The following CMSS1 variants were observed in gnomAD, a reference collection of about 807,000 sequenced individuals.
The protein encoded by CMSS1 is cms1 ribosomal small subunit homolog.
Under a neutral mutation model 43.5 loss-of-function variants are expected in CMSS1, and 33 were observed. That is an observed-to-expected ratio of 0.76 (90% CI 0.57 to 1.01). CMSS1 has a LOEUF of 1.01. CMSS1 is among the 50% of genes least tolerant of loss of function. The pLI, the probability that CMSS1 is intolerant of heterozygous loss-of-function variation, is 0.00. For missense variants in CMSS1, 313 were observed against 326.4 expected (o/e 0.96, Z 0.32); for synonymous variants, 115 against 117.2 (o/e 0.98, Z 0.12).
intron 1 of CMSS1, among the ~76,000 whole-genome samples, chr3:99,855,425 G>A (rs1943914274): frequency 6.6e-6 from 1 of 152,182 alleles, no homozygotes; most frequent in Admixed American, 6.5e-5. Flanking sequence ...TGCCAGTGAT[G>A]TGTTGCCAAG....
Position 100,162,362 on chromosome 3 carries a change from A to G in CMSS1, c.285A>G (p.Leu95=), listed in dbSNP as rs764031617. ...SEPKPGLPED[L]QKLMKDYYSS... The stretch of plus-strand genomic sequence containing the variant: ...CAAAACCAGGGTTACCTGAAGACCT[A>G]CAGAAGCTGATGAAGGACTATTATA... The change falls in exon 4 of 10, where the codon CTA becomes CTG. Residue 95 remains leucine (L), a synonymous_variant. Transcript: ENST00000421999. 15 of 1,613,582 alleles carry G rather than the reference A, an allele frequency of 9.3e-6. No homozygotes were observed. Among genetic ancestry groups the G allele is most frequent in the African/African-American group, 1.3e-5 (1 of 74,932 alleles).
At chr3:99,944,863 A>C (rs1707961752) in intron 1 of CMSS1, among the ~76,000 whole-genome samples, 1 of 152,246 alleles carries the variant, frequency 6.6e-6, no homozygotes, top group African/African-American at 2.4e-5. Context: ...GAGAAGAGAA[A>C]AAAACATAGA....
chr3:100,152,527 C>G (rs963398392), intron 2 of CMSS1, among the ~76,000 whole-genome samples: 1 of 152,030 alleles, frequency 6.6e-6, no homozygotes, highest in Non-Finnish European at 1.5e-5. Context: ...GTGAGCACAC[C>G]CTTAATTTAT....
At chr3:100,061,200 C>T (rs1258255573) in intron 1 of CMSS1, among the ~76,000 whole-genome samples, 1 of 151,990 alleles carries the variant, frequency 6.6e-6, no homozygotes, top group Non-Finnish European at 1.5e-5. Context: ...AAAAACTATA[C>T]TTCTTCTAAA....
intron 1 of CMSS1, among the ~76,000 whole-genome samples, chr3:99,975,280 C>T (rs140821451): frequency 6.8e-4 from 103 of 152,302 alleles, no homozygotes; most frequent in Non-Finnish European, 1.2e-3. Flanking sequence ...GTTCGAGGAA[C>T]TGTTGTAAGT....
At chr3:100,151,910 T>C (rs908329655) in intron 2 of CMSS1, among the ~76,000 whole-genome samples, 3 of 152,240 alleles carry the variant, frequency 2.0e-5, no homozygotes, top group Non-Finnish European at 4.4e-5. Flanking sequence ...ATTCCTTAAG[T>C]ACAGCTCTTT....
intron 1 of CMSS1, among the ~76,000 whole-genome samples, chr3:99,890,725 G>A (rs1000054268): frequency 3.2e-4 from 48 of 150,288 alleles, no homozygotes; most frequent in African/African-American, 1.0e-3. Flanking sequence ...ATACCAATCC[G>A]CTGTTTTTTT....
At chr3:99,889,772 A>C (rs902545303) in intron 1 of CMSS1, among the ~76,000 whole-genome samples, 7 of 152,192 alleles carry the variant, frequency 4.6e-5, no homozygotes, top group Middle Eastern at 3.4e-3. Context: ...AATTCTCAAA[A>C]GTCTAAAGCT....
rs902597280 is a variant in CMSS1 at position 100,002,365 on chromosome 3, T to C, written c.65-144608T>C. On this transcript the variant is annotated intron_variant, in intron 1 of 9. Coordinates refer to ENST00000421999, the MANE Select transcript of CMSS1 (RefSeq NM_032359.4). ...GGTCTTAATACATTATATCCCCTGA[T>C]ACACATTTGCTTTCAAGCTTCTGTG... is the stretch of plus-strand genomic sequence containing the variant. 2.6e-5 allele frequency among the ~76,000 whole-genome samples: 4 copies of C among 152,210 alleles called. No homozygotes were observed. The South Asian group carries it at 6.2e-4, about 24-fold the overall frequency.
chr3:100,062,872 A>G (rs190916228), intron 1 of CMSS1, among the ~76,000 whole-genome samples: 1 of 152,316 alleles, frequency 6.6e-6, no homozygotes, highest in East Asian at 1.9e-4. Context: ...TTACTTGTAC[A>G]AAGTGGACAT....
intron 1 of CMSS1, among the ~76,000 whole-genome samples, chr3:99,861,897 T>C (rs554619596): frequency 2.6e-5 from 4 of 152,296 alleles, no homozygotes; most frequent in African/African-American, 9.6e-5. Context: ...TTAACCTCCC[T>C]ACAAGTCTCA....
chr3:99,876,127 G>A, intron 1 of CMSS1: 1 of 986,336 alleles, frequency 1.0e-6, no homozygotes, highest in South Asian at 4.6e-5. Flanking sequence ...CTGTAGTGCC[G>A]CGCTGCGAGC....
At position 100,146,991 on chromosome 3, in the gene CMSS1, G is replaced by A. The variant is rs776913368; in HGVS notation, c.83G>A (p.Gly28Glu). The change falls in exon 2 of 10, where the codon GGA becomes GAA. Residue 28 changes from glycine (G) to glutamate (E), a missense_variant. Physicochemically the swap from Gly to Glu is moderately conservative, Grantham distance 98 (BLOSUM62 -2). Coordinates refer to ENST00000421999, the MANE Select transcript of CMSS1 (RefSeq NM_032359.4). ...GSSPEASDGE[G>E]EGDTEVMQQE... The stretch of plus-strand genomic sequence containing the variant: ...TTTCTAGAAGCATCAGATGGTGAAG[G>A]AGAAGGAGACACAGAAGTGATGCAG... 4 of 1,613,804 alleles carry A rather than the reference G, an allele frequency of 2.5e-6. No homozygotes were observed. The highest frequency in any genetic ancestry group is 2.5e-6 in the Non-Finnish European group (3 of 1,179,744).
chr3:99,848,556 T>G, intron 1 of CMSS1: 1 of 1,614,236 alleles, frequency 6.2e-7, no homozygotes, highest in Non-Finnish European at 8.5e-7. Context: ...ACTGCCATGA[T>G]GACTGCCGGT....
intron 1 of CMSS1, among the ~76,000 whole-genome samples, chr3:99,910,446 A>G (rs1706752975): frequency 7.3e-6 from 1 of 136,078 alleles, no homozygotes; most frequent in Non-Finnish European, 1.7e-5. Flanking sequence ...TTCTTTAATA[A>G]ATCTTCCTAT....
In CMSS1 at chr3:100,178,406, G is replaced by A; in HGVS notation, c.*18G>A. On this transcript the variant is annotated 3_prime_UTR_variant, in exon 10 of 10. Coordinates refer to ENST00000421999, the MANE Select transcript of CMSS1 (RefSeq NM_032359.4). ...TTTTCTAAGTCTGTGTCCTAATGAA[G>A]ATTCCAGTTTTCACAGTAGAAGTTG... 1.9e-6 allele frequency: 3 copies of A among 1,539,206 alleles called. No homozygotes were observed. The highest frequency in any genetic ancestry group is 2.7e-6 in the Non-Finnish European group (3 of 1,115,090).
At chr3:100,021,373 C>G (rs1324331173) in intron 1 of CMSS1, among the ~76,000 whole-genome samples, 1 of 152,190 alleles carries the variant, frequency 6.6e-6, no homozygotes, top group Admixed American at 6.5e-5. Flanking sequence ...CCAAGTTCAG[C>G]ATCTCAGCAT....
intron 1 of CMSS1, among the ~76,000 whole-genome samples, chr3:99,977,715 A>T (rs1239388187): frequency 2.6e-5 from 4 of 152,168 alleles, no homozygotes. Flanking sequence ...AAATAAGAGA[A>T]TGGAATCATT....
intron 2 of CMSS1, among the ~76,000 whole-genome samples, chr3:100,158,660 C>A (rs1252002619): frequency 1.3e-5 from 2 of 152,188 alleles, no homozygotes; most frequent in Non-Finnish European, 2.9e-5. Flanking sequence ...AGAATTTGAA[C>A]CTATCATTTA....
Sources: allele counts gnomAD v4.1 joint callset (sites outside exome capture counted in the v4.1 genomes callset), GRCh38; gene constraint gnomAD v4.1.1; transcripts MANE v1.5; gene names NCBI Gene and HGNC (gene_info 2026-07-23, HGNC 2026-07-21).